CCDC136: variants seen among roughly 807,000 people sequenced by gnomAD.
CCDC136 encodes coiled-coil domain containing 136, also known as coiled-coil domain-containing protein 136.
CCDC136 carries 100 observed loss-of-function variants against 141.2 expected under a neutral mutation model. That is an observed-to-expected ratio of 0.71 (90% CI 0.60 to 0.84). The LOEUF is 0.84. Among genes scored for constraint, CCDC136 ranks in the 40% least tolerant of loss-of-function variants. CCDC136 has a pLI of 0.00. For missense variants in CCDC136, 1,206 were observed against 1,379.4 expected, an observed-to-expected ratio of 0.87 and a Z score of 1.99; for synonymous variants, 474 against 531.9, an observed-to-expected ratio of 0.89 and a Z score of 1.50.
intron 14 of CCDC136, among the ~76,000 whole-genome samples, chr7:128,813,190 C>G (rs1295194705): frequency 6.6e-6 from 1 of 152,174 alleles, no homozygotes; most frequent in Admixed American, 6.5e-5. Context: ...TGTTCTAGAC[C>G]ACTTCTGTAG....
At chr7:128,796,836 G>A (rs1378729427) in intron 3 of CCDC136, among the ~76,000 whole-genome samples, 20 of 145,666 alleles carry the variant, frequency 1.4e-4, no homozygotes, top group African/African-American at 4.1e-4. Context: ...CCGCCTCCCG[G>A]GTTCACGCCA....
intron 1 of CCDC136, among the ~76,000 whole-genome samples, chr7:128,793,467 A>G (rs1003765297): frequency 1.3e-5 from 2 of 152,216 alleles, no homozygotes; most frequent in Non-Finnish European, 2.9e-5. Flanking sequence ...AATAATATAC[A>G]TTTGAAAGGG....
chr7:128,801,829 T>C (rs1399482273), intron 4 of CCDC136, among the ~76,000 whole-genome samples: 1 of 152,190 alleles, frequency 6.6e-6, no homozygotes, highest in Admixed American at 6.5e-5. Context: ...CCTACCCAGA[T>C]GTTACATAAC....
rs558701963 is a variant in CCDC136 at position 128,797,035 on chromosome 7, C to G, written c.346+2267C>G. Among the ~76,000 whole-genome samples, 11 of 152,188 alleles carry G rather than the reference C, an allele frequency of 7.2e-5. No individual in the cohort carries two copies. The East Asian group carries it at 7.7e-4, about 11-fold the overall frequency. Reference sequence around the variant, plus strand: ...GGATTACAGGCGTGAGCCACCGCGCCCGGCCCAGAATATATTTTGAAGGTG... The same window carrying G: ...GGATTACAGGCGTGAGCCACCGCGCGCGGCCCAGAATATATTTTGAAGGTG... On this transcript the variant is annotated intron_variant, in intron 3 of 17. Transcript: ENST00000297788.
chr7:128,792,024 T>C lies in CCDC136; in HGVS notation c.-388T>C. 1 of 1,210,900 alleles carries C rather than the reference T, an allele frequency of 8.3e-7. No homozygotes were observed. The highest frequency in any genetic ancestry group is 1.6e-5 in the African/African-American group (1 of 62,764). 75.0% of individuals were successfully genotyped at this position (1,210,900 alleles called of 1,614,324 possible). ...CTCTTCTTCACTGGCTCCCGCCCTC[T>C]TTCAGTCTTGGCCCTCTCCTCCCTG... On this transcript the variant is annotated 5_prime_UTR_variant, in exon 1 of 18. Coordinates refer to ENST00000297788, the MANE Select transcript of CCDC136 (RefSeq NM_022742.5).
At chr7:128,795,839 G>C (rs1802860495) in intron 3 of CCDC136, among the ~76,000 whole-genome samples, 1 of 152,224 alleles carries the variant, frequency 6.6e-6, no homozygotes. Flanking sequence ...CTGTGAATGA[G>C]ACAGACCACA....
chr7:128,799,112 G>A (rs56311528), intron 3 of CCDC136, among the ~76,000 whole-genome samples: 20,731 of 145,908 alleles, frequency 0.14, 1,597 homozygotes, highest in African/African-American at 0.2. Context: ...AAGATGGATC[G>A]CCTGAGCCCA....
intron 13 of CCDC136, among the ~76,000 whole-genome samples, 180 bp downstream of exon 13, chr7:128,812,492 A>G (rs1805902097): frequency 6.6e-6 from 1 of 152,182 alleles, no homozygotes; most frequent in East Asian, 1.9e-4. Context: ...CAGCCCTCTC[A>G]TAGAGAGAAT....
At chr7:128,797,771 A>G (rs1173744606) in intron 3 of CCDC136, among the ~76,000 whole-genome samples, 1 of 152,208 alleles carries the variant, frequency 6.6e-6, no homozygotes, top group East Asian at 1.9e-4. Flanking sequence ...TTTCAAAGGT[A>G]GGAAATGCTA....
rs756078890 is a variant in CCDC136 at position 128,812,232 on chromosome 7, A to T, written c.2461A>T (p.Thr821Ser). ...TACCTATAAGAAGAGTTACGGCAGC[A>T]CCAGTAGCTCTGACACCTGCCAGAA... Reference protein sequence around the residue: ...SITYKKSYGSTSSSDTCQKSF... With the variant: ...SITYKKSYGSSSSSDTCQKSF... The change falls in exon 13 of 18, where the codon ACC becomes TCC. Residue 821 changes from threonine to serine, a missense_variant. By Grantham distance (58) the Thr-to-Ser change is moderately conservative (BLOSUM62 1). Transcript: ENST00000297788. 1 of 1,613,920 alleles carries T rather than the reference A, an allele frequency of 6.2e-7. No individual in the cohort carries two copies. Among genetic ancestry groups the T allele is most frequent in the Non-Finnish European group, 8.5e-7 (1 of 1,179,826 alleles).
At chr7:128,813,459 G>A (rs1562973542) in intron 14 of CCDC136, among the ~76,000 whole-genome samples, 1 of 152,164 alleles carries the variant, frequency 6.6e-6, no homozygotes, top group African/African-American at 2.4e-5. Flanking sequence ...AGAGAGCAGC[G>A]AACACATGGG....
chr7:128,798,473 A>G (rs1482135307), intron 3 of CCDC136, among the ~76,000 whole-genome samples: 1 of 151,882 alleles, frequency 6.6e-6, no homozygotes, highest in Non-Finnish European at 1.5e-5. Context: ...GCTGGTCTCC[A>G]ACCCCTGATC....
chr7:128,791,389 C>T, upstream of CCDC136: 1 of 778,884 alleles, frequency 1.3e-6, no homozygotes, highest in Non-Finnish European at 1.7e-6. This position sits in a 1 kb window ranked among gnomAD's most constrained non-coding sequence, Gnocchi z 7.1. Context: ...CCAGGCCCCG[C>T]CCCCTCGTCC....
At chr7:128,796,739 A>ATATATTTTTTTTTTTTTTT in intron 3 of CCDC136, among the ~76,000 whole-genome samples, 1 of 113,374 alleles carries the variant, frequency 8.8e-6, no homozygotes, top group Non-Finnish European at 1.7e-5. Context: ...ATATATATAT[A>ATATATTTTTTTTTTTTTTT]TTCTTTTTTT....
chr7:128,791,478 G>A, upstream of CCDC136: 18 of 1,320,552 alleles, frequency 1.4e-5, no homozygotes, highest in Non-Finnish European at 1.7e-5. The surrounding 1 kb of genome is among the most constrained non-coding windows in gnomAD (Gnocchi z 7.1). Context: ...GGCGGAAGGC[G>A]GCGGCGGGAG....
rs372024334 is a variant in CCDC136 at position 128,815,801 on chromosome 7, A to C, written c.3233A>C (p.Gln1078Pro). ...DPEEAKSTED[Q>P]EENEEDKEEE... is the part of the protein sequence containing the mutation. ...GAGGAAGCTAAATCCACAGAAGATC[A>C]GGAGGAAAATGAAGAGGACAAAGAG... Residue 1078 changes from glutamine (Q) to proline (P), a missense_variant, in exon 16 of 18, where the codon CAG becomes CCG. Coordinates refer to ENST00000297788, the MANE Select transcript of CCDC136 (RefSeq NM_022742.5). The C allele has an allele frequency of 3.8e-6, 6 of 1,599,954 alleles. No individual in the cohort carries two copies. In the African/African-American group the frequency reaches 6.7e-5, roughly 18 times the overall value.
In CCDC136 at chr7:128,805,896, AC is replaced by A; in HGVS notation, c.1087del (p.Gln363ArgfsTer5). 1 of 1,613,818 alleles carries A rather than the reference AC, an allele frequency of 6.2e-7. No homozygotes were observed. Among genetic ancestry groups the A allele is most frequent in the Non-Finnish European group, 8.5e-7 (1 of 1,179,880 alleles). On this transcript the variant is annotated frameshift_variant, in exon 7 of 18. Transcript: ENST00000297788. LOFTEE classifies it high-confidence loss of function. The surrounding 1 kb of genome is among the most constrained non-coding windows in gnomAD (Gnocchi z 4.6). ...VLRFQTSHSV[T>X]QNEELKSRLC... Reference sequence around the variant, plus strand: ...TCGGTTTCAGACCTCCCACAGTGTCACCCAGGTAAACACTGCCCGGGGAGGC... The same window carrying A: ...TCGGTTTCAGACCTCCCACAGTGTCACCAGGTAAACACTGCCCGGGGAGGC...
At chr7:128,791,234 C>T (rs926340082), upstream of CCDC136, among the ~76,000 whole-genome samples, 1 of 152,134 alleles carries the variant, frequency 6.6e-6, no homozygotes, top group African/African-American at 2.4e-5. The surrounding 1 kb of genome is among the most constrained non-coding windows in gnomAD (Gnocchi z 7.1). Flanking sequence ...CGCGGCTCCC[C>T]GCGCTCTCTA....
At position 128,812,914 on chromosome 7, in the gene CCDC136, G is replaced by A. The variant is rs1288716746; in HGVS notation, c.2748G>A (p.Gln916=). Residue 916 remains glutamine (Q), a synonymous_variant, in exon 14 of 18, where the codon CAG becomes CAA. Transcript: ENST00000297788. ...MECLEKPMAP[Q]NDKNEIKELQ... is the part of the protein sequence containing the mutation. ...GCCTTGAAAAGCCCATGGCCCCCCA[G>A]AACGACAAGAATGAGGTAACCACTG... is the stretch of plus-strand genomic sequence containing the variant. 2.5e-6 allele frequency: 4 copies of A among 1,607,062 alleles called. No individual in the cohort carries two copies. Among genetic ancestry groups the A allele is most frequent in the East Asian group, 2.2e-5 (1 of 44,540 alleles).
Sources: allele counts gnomAD v4.1 joint callset (sites outside exome capture counted in the v4.1 genomes callset), GRCh38; gene constraint gnomAD v4.1.1; non-coding constraint Gnocchi (gnomAD v3.1); transcripts MANE v1.5; gene names NCBI Gene and HGNC (gene_info 2026-07-23, HGNC 2026-07-21).